Variants in SNTG1 observed in about 807,000 individuals in gnomAD.
SNTG1 encodes gamma-1-syntrophin.
A neutral mutation model predicts 74.7 loss-of-function variants in SNTG1; 39 were observed. The observed-to-expected ratio is 0.52, with a 90% CI of 0.40 to 0.68. The LOEUF (loss-of-function observed/expected upper bound fraction) is 0.68, where lower values mean the gene tolerates loss of function less well. Ranked by LOEUF, SNTG1 falls within the 30% of genes least tolerant of loss-of-function variation. SNTG1 has a pLI of 0.00. For synonymous variants in SNTG1, 254 were observed against 217.1 expected (o/e 1.17, Z -1.49); for missense variants, 685 against 609.5 (o/e 1.12, Z -1.30).
intron 9 of SNTG1, among the ~76,000 whole-genome samples, chr8:50,513,187 A>C (rs548395377): frequency 2.5e-4 from 38 of 152,250 alleles, no homozygotes; most frequent in African/African-American, 8.9e-4. Context: ...TCCACTCCAG[A>C]CCCTGTTTGC....
chr8:50,352,276 T>C (rs2091684221), intron 2 of SNTG1, among the ~76,000 whole-genome samples: 1 of 152,176 alleles, frequency 6.6e-6, no homozygotes, highest in Non-Finnish European at 1.5e-5. Context: ...GTGTCCCTGT[T>C]TTAATTGATT....
intron 2 of SNTG1, among the ~76,000 whole-genome samples, chr8:50,224,809 GAC>G (rs1404200549): frequency 6.6e-6 from 1 of 152,076 alleles, no homozygotes; most frequent in African/African-American, 2.4e-5. Flanking sequence ...ATGCCAACAT[GAC>G]AGATAGCAGG....
chr8:50,369,545 A>G (rs1230168361), intron 2 of SNTG1, among the ~76,000 whole-genome samples: 4 of 152,020 alleles, frequency 2.6e-5, no homozygotes, highest in Admixed American at 2.0e-4. Flanking sequence ...GCAGTGAGCT[A>G]AGATTGCATC....
chr8:50,173,621 CTGGGTTTTCAAGGACTA>C (rs2082886636), intron 2 of SNTG1, among the ~76,000 whole-genome samples: 2 of 152,076 alleles, frequency 1.3e-5, no homozygotes, highest in Non-Finnish European at 2.9e-5. Flanking sequence ...GATTTCTAGG[CTGGGTTTTCAAGGACTA>C]TGGCAAGTTC....
chr8:50,303,263 G>A (rs2089730563), intron 2 of SNTG1, among the ~76,000 whole-genome samples: 2 of 152,020 alleles, frequency 1.3e-5, no homozygotes, highest in South Asian at 4.1e-4. Flanking sequence ...AAAAGTGACT[G>A]ACTTTTAATC....
At chr8:50,243,145 G>T (rs1290969839) in intron 2 of SNTG1, among the ~76,000 whole-genome samples, 1 of 148,838 alleles carries the variant, frequency 6.7e-6, no homozygotes, top group Non-Finnish European at 1.5e-5. Context: ...GACCGCTAAT[G>T]GTATATGTTC....
intron 1 of SNTG1, among the ~76,000 whole-genome samples, chr8:49,916,798 G>A (rs967109): frequency 0.13 from 20,024 of 151,744 alleles, 1,504 homozygotes; most frequent in Middle Eastern, 0.2. Context: ...TTGAAGCCAG[G>A]AGTTCAAGAC....
chr8:50,251,593 A>T (rs562639589), intron 2 of SNTG1, among the ~76,000 whole-genome samples: 1 of 152,030 alleles, frequency 6.6e-6, no homozygotes, highest in African/African-American at 2.4e-5. Context: ...TATCAGATAA[A>T]ATACATATTA....
intron 10 of SNTG1, among the ~76,000 whole-genome samples, chr8:50,536,285 T>A (rs1419795369): frequency 6.6e-6 from 1 of 152,184 alleles, no homozygotes; most frequent in East Asian, 1.9e-4. Context: ...CATAAAATAC[T>A]CTCTATTTGA....
chr8:50,788,236 T>C (rs1045114017), intron 18 of SNTG1, among the ~76,000 whole-genome samples: 1 of 152,120 alleles, frequency 6.6e-6, no homozygotes, highest in East Asian at 1.9e-4. Flanking sequence ...ACAGTAGAAA[T>C]GAAAGAGAAG....
At chr8:50,541,242 C>CGTGT (rs1355277110) in intron 11 of SNTG1, among the ~76,000 whole-genome samples, 48 of 106,386 alleles carry the variant, frequency 4.5e-4, no homozygotes, top group African/African-American at 2.7e-3. Context: ...TAAGATTTTA[C>CGTGT]CTGTGTGTGT....
chr8:50,067,781 T>TA (rs1821020318), intron 1 of SNTG1, among the ~76,000 whole-genome samples: 1 of 152,134 alleles, frequency 6.6e-6, no homozygotes, highest in African/African-American at 2.4e-5. Context: ...ATGGATTGCT[T>TA]AGGGTCACCC....
intron 2 of SNTG1, among the ~76,000 whole-genome samples, chr8:50,311,441 T>C (rs1487123634): frequency 6.6e-6 from 1 of 152,228 alleles, no homozygotes; most frequent in African/African-American, 2.4e-5. Flanking sequence ...TGTTTATGTA[T>C]GGCTTTTGAC....
intron 18 of SNTG1, among the ~76,000 whole-genome samples, chr8:50,766,361 G>C (rs138967348): frequency 6.6e-6 from 1 of 151,926 alleles, no homozygotes; most frequent in Non-Finnish European, 1.5e-5. Flanking sequence ...ATTGTATGTG[G>C]CTTGTGATGC....
Position 50,051,592 on chromosome 8 carries a change from T to C in SNTG1, c.-102-120969T>C, listed in dbSNP as rs528208573. ...TGAAGTTGTCAAGAGAGCCATGCTC[T>C]GAAACACATACAAAGATCCTTCCTT... On this transcript the variant is annotated intron_variant, in intron 1 of 18. Coordinates refer to ENST00000642720, the MANE Select transcript of SNTG1 (RefSeq NM_018967.5). Among the ~76,000 whole-genome samples, 30 of 152,234 alleles carry C rather than the reference T, an allele frequency of 2.0e-4. No individual in the cohort carries two copies. The East Asian group carries it at 5.8e-3, about 29-fold the overall frequency.
intron 13 of SNTG1, among the ~76,000 whole-genome samples, chr8:50,650,863 G>A (rs1347503055): frequency 6.6e-6 from 1 of 151,892 alleles, no homozygotes; most frequent in Non-Finnish European, 1.5e-5. Flanking sequence ...ACCATGCCTG[G>A]TTAATTTTTG....
intron 18 of SNTG1, among the ~76,000 whole-genome samples, chr8:50,782,405 T>C (rs1314174426): frequency 6.6e-6 from 1 of 152,220 alleles, no homozygotes; most frequent in East Asian, 1.9e-4. Flanking sequence ...TGTTAGTTTC[T>C]TTTTATTCTT....
chr8:50,648,268 C>T (rs1023814790), intron 13 of SNTG1, among the ~76,000 whole-genome samples: 2 of 152,126 alleles, frequency 1.3e-5, no homozygotes, highest in African/African-American at 4.8e-5. Context: ...AATAATAGTA[C>T]ACCACCCTTA....
intron 1 of SNTG1, among the ~76,000 whole-genome samples, chr8:50,071,808 C>T (rs1220805369): frequency 5.8e-5 from 5 of 85,828 alleles, no homozygotes; most frequent in South Asian, 7.0e-4. Context: ...AGAGAACATA[C>T]TAGTACTAAA....
Sources: allele counts gnomAD v4.1 joint callset (sites outside exome capture counted in the v4.1 genomes callset), GRCh38; gene constraint gnomAD v4.1.1; transcripts MANE v1.5; gene names NCBI Gene and HGNC (gene_info 2026-07-23, HGNC 2026-07-21).